The following NAV3 variants were observed in gnomAD, a reference collection of about 807,000 sequenced individuals.
The protein encoded by NAV3 is pore membrane and/or filament interacting like protein 1.
Under a neutral mutation model 244.7 loss-of-function variants are expected in NAV3, and 87 were observed. That is an observed-to-expected ratio of 0.36 (90% CI 0.30 to 0.42). NAV3 has a LOEUF of 0.42. Ranked by LOEUF, NAV3 falls within the 20% of genes least tolerant of loss-of-function variation. NAV3 has a pLI of 1.00. For missense variants in NAV3, 2,663 were observed against 2,893.3 expected, an observed-to-expected ratio of 0.92 and a Z score of 1.83; for synonymous variants, 1,126 against 1,042.2, an observed-to-expected ratio of 1.08 and a Z score of -1.55.
intron 1 of NAV3, among the ~76,000 whole-genome samples, chr12:77,889,457 G>A (rs754175532): frequency 2.0e-5 from 3 of 152,026 alleles, no homozygotes; most frequent in East Asian, 1.9e-4. Flanking sequence ...TGTTTCTCTC[G>A]CAAACCATGA....
At chr12:77,914,643 T>G (rs115009541) in intron 1 of NAV3, among the ~76,000 whole-genome samples, 161 of 152,176 alleles carry the variant, frequency 1.1e-3, no homozygotes, top group African/African-American at 3.6e-3. Context: ...CCTTTCATGA[T>G]TATGGAGTGA....
chr12:77,575,402 T>C (rs1869032314), intron 2 of NAV3, among the ~76,000 whole-genome samples: 1 of 152,114 alleles, frequency 6.6e-6, no homozygotes, highest in South Asian at 2.1e-4. Context: ...ATTTTTTCAG[T>C]AGAACTTTCA....
At chr12:77,872,439 T>C (rs955131683) in intron 1 of NAV3, among the ~76,000 whole-genome samples, 1 of 152,138 alleles carries the variant, frequency 6.6e-6, no homozygotes, top group African/African-American at 2.4e-5. Flanking sequence ...GTATAGGTAG[T>C]AGTTGGTGGA....
chr12:78,162,209 T>TA (rs1957572771), intron 23 of NAV3, among the ~76,000 whole-genome samples: 1 of 152,126 alleles, frequency 6.6e-6, no homozygotes, highest in South Asian at 2.1e-4. Context: ...GGAGCTGAGA[T>TA]AAAAGGGTAT....
chr12:77,753,418 G>GTAGCAACTGTTGAACT (rs1868962975), intron 2 of NAV3, among the ~76,000 whole-genome samples: 1 of 152,078 alleles, frequency 6.6e-6, no homozygotes, highest in Non-Finnish European at 1.5e-5. Flanking sequence ...AAGTGGGGCA[G>GTAGCAACTGTTGAACT]TAGCAACTGT....
intron 19 of NAV3, among the ~76,000 whole-genome samples, chr12:78,139,417 G>A (rs1351037820): frequency 6.6e-6 from 1 of 152,014 alleles, no homozygotes. Flanking sequence ...TCTTCTCTTT[G>A]AGCTTTTGGG....
At chr12:78,196,268 A>G (rs1959172862) in intron 34 of NAV3, among the ~76,000 whole-genome samples, 1 of 152,012 alleles carries the variant, frequency 6.6e-6, no homozygotes, top group Non-Finnish European at 1.5e-5. Context: ...TTTATATTTG[A>G]ACATAAATAA....
At chr12:77,904,847 C>G (rs1885785869) in intron 1 of NAV3, among the ~76,000 whole-genome samples, 2 of 151,828 alleles carry the variant, frequency 1.3e-5, no homozygotes, top group South Asian at 4.1e-4. Context: ...ACACTTATGT[C>G]TACTGTAATT....
chr12:78,147,798 C>G (rs976873997), intron 21 of NAV3, among the ~76,000 whole-genome samples: 3 of 152,068 alleles, frequency 2.0e-5, no homozygotes, highest in African/African-American at 4.8e-5. Context: ...AATTCTCTTT[C>G]AAACTGAGAC....
chr12:78,183,491 A>G (rs1181521111), intron 30 of NAV3, among the ~76,000 whole-genome samples: 1 of 151,966 alleles, frequency 6.6e-6, no homozygotes, highest in Non-Finnish European at 1.5e-5. Context: ...TGACTGTAAC[A>G]ATTTGTTCAA....
chr12:77,801,568 T>TA (rs1324955491), intron 2 of NAV3, among the ~76,000 whole-genome samples: 1 of 152,156 alleles, frequency 6.6e-6, no homozygotes, highest in East Asian at 1.9e-4. Flanking sequence ...CTTTTCATTC[T>TA]TTCTCTGGTG....
Position 77,593,376 on chromosome 12 carries a change from T to C in NAV3, c.72+21110T>C, listed in dbSNP as rs116216567. ...ACACATTTGCCTCTTCTCTCTCCCC[T>C]TGTTCTCTCCCTGTCTTTCTCTCTT... On this transcript the variant is annotated intron_variant, in intron 2 of 8. Transcript: ENST00000550042. 4.4e-3 allele frequency among the ~76,000 whole-genome samples: 663 copies of C among 151,890 alleles called. 6 individuals carry two copies. The highest frequency in any genetic ancestry group is 0.015 in the African/African-American group (613 of 41,480).
intron 16 of NAV3, among the ~76,000 whole-genome samples, chr12:78,125,212 T>C (rs1955854062): frequency 6.6e-6 from 1 of 152,168 alleles, no homozygotes; most frequent in African/African-American, 2.4e-5. Flanking sequence ...TGTGTTAATG[T>C]AAATTTTAAG....
intron 23 of NAV3, among the ~76,000 whole-genome samples, chr12:78,162,903 AAT>A (rs1345014317): frequency 7.8e-6 from 1 of 128,864 alleles, no homozygotes; most frequent in African/African-American, 2.6e-5. Context: ...TATATATATA[AAT>A]ATATATATTA....
intron 1 of NAV3, among the ~76,000 whole-genome samples, chr12:77,881,025 C>T (rs1384990066): frequency 6.6e-6 from 1 of 152,138 alleles, no homozygotes; most frequent in African/African-American, 2.4e-5. Flanking sequence ...CAGCTATTCA[C>T]AAGAACCATC....
chr12:78,039,523 A>G (rs1422861218), intron 9 of NAV3, among the ~76,000 whole-genome samples: 1 of 152,116 alleles, frequency 6.6e-6, no homozygotes, highest in African/African-American at 2.4e-5. Context: ...ACAAAACTAG[A>G]GTTACTTCAC....
At chr12:77,838,887 G>C (rs1383413415) in intron 1 of NAV3, among the ~76,000 whole-genome samples, 2 of 152,142 alleles carry the variant, frequency 1.3e-5, no homozygotes, top group East Asian at 3.8e-4. Context: ...AATGAAATGA[G>C]GATAATAGTT....
At chr12:77,672,729 G>A (rs1407543216) in intron 2 of NAV3, among the ~76,000 whole-genome samples, 1 of 152,028 alleles carries the variant, frequency 6.6e-6, no homozygotes, top group Non-Finnish European at 1.5e-5. Flanking sequence ...ATTGGGTATA[G>A]TGTACACTGT....
At chr12:77,817,550 T>C (rs186599224) in intron 2 of NAV3, among the ~76,000 whole-genome samples, 3 of 152,232 alleles carry the variant, frequency 2.0e-5, no homozygotes, top group Admixed American at 2.0e-4. Context: ...CTTTTTTTTT[T>C]AAACTGCAGA....
Sources: gnomAD v4.1 joint callset for allele counts (sites outside exome capture counted in the v4.1 genomes callset) on GRCh38, gnomAD v4.1.1 for gene constraint, MANE v1.5 for transcripts, NCBI Gene and HGNC (gene_info 2026-07-23, HGNC 2026-07-21) for gene names.